CFAP54: variants seen among roughly 807,000 people sequenced by gnomAD.
CFAP54 encodes the protein cilia and flagella associated protein 54.
CFAP54 carries 290 observed loss-of-function variants against 370.4 expected under a neutral mutation model. That is an observed-to-expected ratio of 0.78 (90% CI 0.71 to 0.86). The LOEUF (loss-of-function observed/expected upper bound fraction) is 0.86, where lower values mean the gene tolerates loss of function less well. CFAP54 is among the 40% of genes least tolerant of loss of function. The pLI is 0.00. For synonymous variants in CFAP54, 1,206 were observed against 1,236.5 expected (o/e 0.98, Z 0.52); for missense variants, 3,399 against 3,528.7 (o/e 0.96, Z 0.93).
rs968021933 is a variant in CFAP54 at position 96,561,742 on chromosome 12, C to T, written c.2411-2726C>T. Among the ~76,000 whole-genome samples, 3 of 88,592 alleles carry T rather than the reference C, an allele frequency of 3.4e-5. No individual in the cohort carries two copies. The South Asian group carries it at 1.1e-3, about 34-fold the overall frequency. The allele number at this position is 88,592 out of a possible 152,430, so 58.1% of individuals were successfully genotyped here. On this transcript the variant is annotated intron_variant, in intron 17 of 67. Coordinates refer to ENST00000524981, the MANE Select transcript of CFAP54 (RefSeq NM_001306084.2). ...ACACACACACACACACACACACACA[C>T]ACACATGTATATATATTTAAATCAC... is the stretch of plus-strand genomic sequence containing the variant.
intron 24 of CFAP54, among the ~76,000 whole-genome samples, chr12:96,593,323 G>A (rs2136436181): frequency 6.6e-6 from 1 of 151,658 alleles, no homozygotes; most frequent in African/African-American, 2.4e-5. Flanking sequence ...CTTTAGGTAT[G>A]GATGTTTTAG....
intron 58 of CFAP54, among the ~76,000 whole-genome samples, chr12:96,761,341 G>A (rs1958334436): frequency 6.6e-6 from 1 of 151,890 alleles, no homozygotes; most frequent in Non-Finnish European, 1.5e-5. Flanking sequence ...AGCTTTGAGA[G>A]TTTTCTTTTT....
chr12:96,517,977 G>A (rs1454026724), intron 5 of CFAP54, among the ~76,000 whole-genome samples: 2 of 152,212 alleles, frequency 1.3e-5, no homozygotes, highest in African/African-American at 2.4e-5. Flanking sequence ...GAAGACATGA[G>A]GACCAATGCA....
chr12:96,830,210 C>T (rs1207280063), intron 66 of CFAP54, among the ~76,000 whole-genome samples: 1 of 152,116 alleles, frequency 6.6e-6, no homozygotes, highest in Non-Finnish European at 1.5e-5. Flanking sequence ...GCCTTGATTT[C>T]AAATCTTTAG....
chr12:96,546,754 G>A (rs1157099262), intron 14 of CFAP54, among the ~76,000 whole-genome samples: 3 of 152,000 alleles, frequency 2.0e-5, no homozygotes, highest in Admixed American at 1.3e-4. Flanking sequence ...ACCTGAAGCT[G>A]GGAGGCAGAG....
At chr12:96,675,741 T>C (rs1592702928) in intron 39 of CFAP54, among the ~76,000 whole-genome samples, 2 of 152,074 alleles carry the variant, frequency 1.3e-5, no homozygotes, top group South Asian at 4.2e-4. Context: ...ATATACACCA[T>C]GGAATACTAT....
At chr12:96,664,457 T>A (rs1180584064) in intron 39 of CFAP54, among the ~76,000 whole-genome samples, 2 of 152,078 alleles carry the variant, frequency 1.3e-5, no homozygotes, top group Non-Finnish European at 2.9e-5. Flanking sequence ...GCCAAGGACA[T>A]GATCTAATTC....
intron 65 of CFAP54, among the ~76,000 whole-genome samples, chr12:96,819,374 G>A (rs556695441): frequency 6.6e-6 from 1 of 152,296 alleles, no homozygotes; most frequent in South Asian, 2.1e-4. Flanking sequence ...TTGTTCATTA[G>A]CCAAATAATT....
intron 48 of CFAP54, among the ~76,000 whole-genome samples, chr12:96,716,718 T>C (rs2136603257): frequency 6.6e-6 from 1 of 152,326 alleles, no homozygotes; most frequent in South Asian, 2.1e-4. Context: ...TGACCTTGCC[T>C]AGAAAGCCAT....
chr12:96,723,046 T>G (rs1296475056), intron 50 of CFAP54, among the ~76,000 whole-genome samples: 1 of 152,150 alleles, frequency 6.6e-6, no homozygotes, highest in Non-Finnish European at 1.5e-5. Flanking sequence ...ATTCAAATCT[T>G]CCCAGCATAA....
At chr12:96,677,161 C>G (rs1957219633) in intron 39 of CFAP54, among the ~76,000 whole-genome samples, 2 of 148,258 alleles carry the variant, frequency 1.3e-5, no homozygotes, top group Non-Finnish European at 3.0e-5. Flanking sequence ...TGCCCCTGCA[C>G]CCAGCTAACT....
At chr12:96,676,163 C>G (rs1364262861) in intron 39 of CFAP54, among the ~76,000 whole-genome samples, 1 of 152,116 alleles carries the variant, frequency 6.6e-6, no homozygotes, top group Non-Finnish European at 1.5e-5. Context: ...AGGCTCTGTG[C>G]TAGACACTCT....
At chr12:96,747,622 A>G (rs943473979) in intron 55 of CFAP54, among the ~76,000 whole-genome samples, 1 of 152,206 alleles carries the variant, frequency 6.6e-6, no homozygotes, top group Non-Finnish European at 1.5e-5. Flanking sequence ...GTTATTAGAA[A>G]TAGGAAACTG....
chr12:96,610,579 C>T (rs1031735584), intron 26 of CFAP54, among the ~76,000 whole-genome samples: 1 of 152,162 alleles, frequency 6.6e-6, no homozygotes, highest in African/African-American at 2.4e-5. Context: ...TGAGCCGAAG[C>T]AGGGTGAGGC....
intron 60 of CFAP54, among the ~76,000 whole-genome samples, chr12:96,775,458 T>C (rs1382254966): frequency 6.6e-6 from 1 of 152,156 alleles, no homozygotes; most frequent in African/African-American, 2.4e-5. Context: ...ACTGTGGACA[T>C]TGACATTTAA....
intron 17 of CFAP54, among the ~76,000 whole-genome samples, chr12:96,557,870 A>G (rs1955771097): frequency 6.6e-6 from 1 of 152,134 alleles, no homozygotes; most frequent in Non-Finnish European, 1.5e-5. Context: ...AATTTATCAT[A>G]TAAGGAAAAC....
chr12:96,546,038 A>G (rs1477227596), intron 14 of CFAP54, among the ~76,000 whole-genome samples: 1 of 152,240 alleles, frequency 6.6e-6, no homozygotes, highest in Non-Finnish European at 1.5e-5. Flanking sequence ...CAAATTAATC[A>G]GACCCAGGGA....
chr12:96,804,562 G>A (rs180991579), intron 63 of CFAP54, among the ~76,000 whole-genome samples: 5 of 152,054 alleles, frequency 3.3e-5, no homozygotes, highest in Admixed American at 2.6e-4. Context: ...TTTACCCAAG[G>A]ACATGAAAGG....
intron 26 of CFAP54, among the ~76,000 whole-genome samples, chr12:96,620,788 G>T (rs964231717): frequency 4.6e-5 from 7 of 152,204 alleles, no homozygotes; most frequent in African/African-American, 1.7e-4. Flanking sequence ...CTAGAGCCAA[G>T]GTTTTAATGG....
Sources: allele counts gnomAD v4.1 joint callset (sites outside exome capture counted in the v4.1 genomes callset), GRCh38; gene constraint gnomAD v4.1.1; transcripts MANE v1.5; gene names NCBI Gene and HGNC (gene_info 2026-07-23, HGNC 2026-07-21).